Variants in A2M observed in about 807,000 individuals in gnomAD.
The protein encoded by A2M is alpha-2-macroglobulin.
A2M carries 128 observed loss-of-function variants against 183.9 expected under a neutral mutation model. The observed-to-expected ratio is 0.70, with a 90% CI of 0.60 to 0.81. The LOEUF is 0.81. Ranked by LOEUF, A2M falls within the 30% of genes least tolerant of loss-of-function variation. The pLI is 0.00. For synonymous variants in A2M, 592 were observed against 670.8 expected (o/e 0.88, Z 1.81); for missense variants, 1,495 against 1,787.6 (o/e 0.84, Z 2.95).
intron 8 of A2M, 40 bp downstream of exon 8, chr12:9,107,484 C>A (rs868645515): frequency 6.2e-7 from 1 of 1,608,092 alleles, no homozygotes; most frequent in South Asian, 1.1e-5. Flanking sequence ...TCAACAATGC[C>A]TTTATCGCTA....
intron 15 of A2M, 50 bp downstream of exon 15, chr12:9,098,557 T>A: frequency 6.4e-7 from 1 of 1,553,390 alleles, no homozygotes; most frequent in Non-Finnish European, 8.7e-7. Flanking sequence ...TTCCTTGCTC[T>A]GAGCCCCTGG....
At chr12:9,111,788 T>C (rs1195423661) in intron 4 of A2M, among the ~76,000 whole-genome samples, 1 of 152,206 alleles carries the variant, frequency 6.6e-6, no homozygotes, top group Admixed American at 6.5e-5. Flanking sequence ...CTTTCCTTTA[T>C]AGTGAAGATT....
chr12:9,083,914 AT>A (rs1948981166), intron 22 of A2M, among the ~76,000 whole-genome samples: 1 of 152,184 alleles, frequency 6.6e-6, no homozygotes, highest in South Asian at 2.1e-4. Context: ...ACAAAAAAAA[AT>A]TCTGAAAAGC....
rs1948544610 is a variant in A2M, at chr12:9,070,671, AG to A, written c.4104-94del. Reference sequence around the variant, plus strand: ...ATGTTAAGCATTCCACAGCTCTAAAAGGTACACGTAAGTCTTCCCAAATATC... The same window carrying A: ...ATGTTAAGCATTCCACAGCTCTAAAAGTACACGTAAGTCTTCCCAAATATC... On this transcript the variant is annotated intron_variant, in intron 31 of 35. Coordinates refer to ENST00000318602, the MANE Select transcript of A2M (RefSeq NM_000014.6). The A allele has an allele frequency of 1.1e-5, 9 of 822,122 alleles. No homozygotes were observed. In the South Asian group the frequency reaches 1.4e-4, roughly 13 times the overall value. The allele number at this position is 822,122 out of a possible 1,614,324, so 50.9% of individuals were successfully genotyped here.
intron 6 of A2M, 149 bp from the exon 7 acceptor site, chr12:9,109,554 C>G (rs1206246515): frequency 1.5e-6 from 1 of 665,380 alleles, no homozygotes; most frequent in Non-Finnish European, 2.6e-6. Flanking sequence ...CTATCCTCCT[C>G]TCAAATGAAG....
chr12:9,113,542 G>A lies in A2M; in HGVS notation c.88C>T (p.Gln30Ter). ...AGGGAGGGGACCAGAACCATATACT[G>A]CCTGGGAATGAGACGGTTCAGTTAG... ...PTDASVSGKPQYMVLVPSLLH... is the reference protein window; with the variant it reads ...PTDASVSGKP Residue 30 changes from glutamine (Q) to a stop codon, truncating the protein, a stop_gained and splice_region_variant, in exon 2 of 36, where the codon CAG becomes TAG. Transcript: ENST00000318602. LOFTEE classifies it high-confidence loss of function. 1 of 1,613,106 alleles carries A rather than the reference G, an allele frequency of 6.2e-7. No homozygotes were observed. The highest frequency in any genetic ancestry group is 8.5e-7 in the Non-Finnish European group (1 of 1,179,534).
At position 9,088,325 on chromosome 12, in the gene A2M, A is replaced by T. The variant is rs550485956; in HGVS notation, c.2770+875T>A. Among the ~76,000 whole-genome samples the T allele has an allele frequency of 2.4e-3, 358 of 152,208 alleles. 1 individual carries two copies. The highest frequency in any genetic ancestry group is 4.2e-3 in the Non-Finnish European group (287 of 67,954). Reference sequence around the variant, plus strand: ...CACATTTGATTATGTTGGTAATTAAAATGAAATTTAGTAAAACTATTTGAT... The same window carrying T: ...CACATTTGATTATGTTGGTAATTAATATGAAATTTAGTAAAACTATTTGAT... On this transcript the variant is annotated intron_variant, in intron 22 of 35. Transcript: ENST00000318602.
chr12:9,071,520 A>G (rs1948579315), intron 31 of A2M, among the ~76,000 whole-genome samples: 1 of 152,142 alleles, frequency 6.6e-6, no homozygotes, highest in Non-Finnish European at 1.5e-5. Flanking sequence ...GGTTTGGTGT[A>G]CAGATTACTT....
At chr12:9,112,621 C>T in intron 2 of A2M, 85 bp from the exon 3 acceptor site, 1 of 1,464,006 alleles carries the variant, frequency 6.8e-7, no homozygotes, top group African/African-American at 1.4e-5. Context: ...CCCTGGAGAT[C>T]TTGCCCTTCT....
In A2M at chr12:9,072,720, A is replaced by T; in HGVS notation, c.3908T>A (p.Val1303Asp). ...TTCCCCAGGCAGCTCTGGCAATGAG[A>T]CCTGCTGCAGTAACAGGCGGTTGTT... is the stretch of plus-strand genomic sequence containing the variant. ...DNNNRLLLQQ[V>D]SLPELPGEYS... Residue 1303 changes from valine to aspartate, a missense_variant, in exon 30 of 36, where the codon GTC becomes GAC. Transcript: ENST00000318602. The T allele has an allele frequency of 6.2e-7, 1 of 1,614,100 alleles. No individual in the cohort carries two copies. The highest frequency in any genetic ancestry group is 8.5e-7 in the Non-Finnish European group (1 of 1,180,014).
chr12:9,093,304 G>A (rs1269850313), intron 18 of A2M, among the ~76,000 whole-genome samples, 161 bp downstream of exon 18: 2 of 152,098 alleles, frequency 1.3e-5, no homozygotes, highest in Admixed American at 6.6e-5. Flanking sequence ...TTGCTTGACT[G>A]TAGTAATCAT....
At chr12:9,108,326 C>T (rs878908937) in intron 7 of A2M, among the ~76,000 whole-genome samples, 1 of 151,964 alleles carries the variant, frequency 6.6e-6, no homozygotes, top group Admixed American at 6.6e-5. Context: ...CGGGGTTTCA[C>T]CATGTTAGCC....
At chr12:9,087,874 C>A (rs1949095243) in intron 22 of A2M, among the ~76,000 whole-genome samples, 1 of 150,286 alleles carries the variant, frequency 6.7e-6, no homozygotes, top group African/African-American at 2.5e-5. Flanking sequence ...TTTGGATCTA[C>A]CCTAGCTGTA....
chr12:9,077,728 A>G lies in A2M; in HGVS notation c.3249T>C (p.Ser1083=). 6.2e-7 allele frequency: 1 copy of G among 1,614,180 alleles called. No individual in the cohort carries two copies. Among genetic ancestry groups the G allele is most frequent in the Middle Eastern group, 1.7e-4 (1 of 6,058 alleles). Residue 1083 remains serine (S), a synonymous_variant, in exon 26 of 36, where the codon TCT becomes TCC. Transcript: ENST00000318602. ...RQKDNGCFRS[S]GSLLNNAIKG... Reference sequence around the variant, plus strand: ...TTATGGCATTGTTGAGCAGTGACCCAGAGCTCCTGAAACAGCCATTGTCCT... The same window carrying G: ...TTATGGCATTGTTGAGCAGTGACCCGGAGCTCCTGAAACAGCCATTGTCCT...
At chr12:9,085,587 C>A (rs1364690020) in intron 22 of A2M, among the ~76,000 whole-genome samples, 1 of 151,796 alleles carries the variant, frequency 6.6e-6, no homozygotes, top group Non-Finnish European at 1.5e-5. Context: ...TAATGATATT[C>A]CTCAGAGAAG....
chr12:9,101,211 CA>C lies in A2M; in HGVS notation c.1495-5del. 10 of 1,555,776 alleles carry C rather than the reference CA, an allele frequency of 6.4e-6. No individual in the cohort carries two copies. In the South Asian group the frequency reaches 9.5e-5, roughly 15 times the overall value. The stretch of plus-strand genomic sequence containing the variant: ...CAATGCCTCCCTTTGCCATTATCTG[CA>C]AAAAAGGAAATAAAAAGAAATTAAA... On this transcript the variant is annotated splice_region_variant and splice_polypyrimidine_tract_variant and intron_variant, in intron 12 of 35. Coordinates refer to ENST00000318602, the MANE Select transcript of A2M (RefSeq NM_000014.6).
At chr12:9,083,250 G>T (rs1565584830) in intron 22 of A2M, among the ~76,000 whole-genome samples, 1 of 152,088 alleles carries the variant, frequency 6.6e-6, no homozygotes, top group South Asian at 2.1e-4. Context: ...TGGGGTGAGG[G>T]GATGGGGGAG....
chr12:9,109,385 G>T lies in A2M; in HGVS notation c.694C>A (p.Gln232Lys), dbSNP rs775762799. ...EEFVLPKFEV[Q>K]VTVPKIITIL... ...GTGATTATCTTTGGCACTGTTACTT[G>T]TACTTCAAACTTGGGAAGAACTGTT... Residue 232 changes from glutamine to lysine, a missense_variant, in exon 7 of 36, where the codon CAA (glutamine) becomes AAA (lysine). Coordinates refer to ENST00000318602, the MANE Select transcript of A2M (RefSeq NM_000014.6). 2.5e-6 allele frequency: 4 copies of T among 1,612,998 alleles called. No homozygotes were observed. In the South Asian group the frequency reaches 3.3e-5, roughly 13 times the overall value.
intron 11 of A2M, among the ~76,000 whole-genome samples, chr12:9,102,430 C>T (rs1202383679): frequency 1.3e-5 from 2 of 152,010 alleles, no homozygotes; most frequent in South Asian, 2.1e-4. Context: ...TGCCTAGGCT[C>T]GTCTCGATCT....
Sources: gnomAD v4.1 joint callset for allele counts (sites outside exome capture counted in the v4.1 genomes callset) on GRCh38, gnomAD v4.1.1 for gene constraint, MANE v1.5 for transcripts, NCBI Gene and HGNC (gene_info 2026-07-23, HGNC 2026-07-21) for gene names.